The following WDFY2 variants were observed in gnomAD, a reference collection of about 807,000 sequenced individuals.
The protein encoded by WDFY2 is WD repeat and FYVE domain-containing protein 2.
WDFY2 carries 36 observed loss-of-function variants against 56.4 expected under a neutral mutation model. That is an observed-to-expected ratio of 0.64 (90% CI 0.49 to 0.84). The LOEUF (loss-of-function observed/expected upper bound fraction) is 0.84, where lower values mean the gene tolerates loss of function less well. Ranked by LOEUF, WDFY2 falls within the 40% of genes least tolerant of loss-of-function variation. The pLI, the probability that WDFY2 is intolerant of heterozygous loss-of-function variation, is 0.00. For missense variants in WDFY2, 444 were observed against 512.2 expected (o/e 0.87, Z 1.29); for synonymous variants, 176 against 183.7 (o/e 0.96, Z 0.34).
At chr13:51,620,062 A>T (rs1262662742) in intron 1 of WDFY2, among the ~76,000 whole-genome samples, 1 of 152,242 alleles carries the variant, frequency 6.6e-6, no homozygotes, top group Admixed American at 6.5e-5. Flanking sequence ...TTGCCAGTAC[A>T]GAAATACAGG....
intron 1 of WDFY2, 120 bp from the exon 2 acceptor site, chr13:51,660,476 C>A: frequency 1.2e-6 from 1 of 841,092 alleles, no homozygotes. Flanking sequence ...CTGGGACAGG[C>A]TTGAGCCACC....
In WDFY2 at chr13:51,711,401, A is replaced by T. The variant is rs1363500270; in HGVS notation, c.334+7751A>T. 2.0e-5 allele frequency among the ~76,000 whole-genome samples: 3 copies of T among 152,314 alleles called. No individual in the cohort carries two copies. In the South Asian group the frequency reaches 6.2e-4, roughly 32 times the overall value. ...TGGGCAAGGACTTCATGTCTAAAAC[A>T]CCAAAAGCAATGGCAACAAAAGCCA... On this transcript the variant is annotated intron_variant, in intron 4 of 11. Transcript: ENST00000298125.
chr13:51,737,729 A>C (rs1437183273), intron 6 of WDFY2, among the ~76,000 whole-genome samples: 1 of 152,156 alleles, frequency 6.6e-6, no homozygotes, highest in Non-Finnish European at 1.5e-5. Context: ...ATTTTAACAG[A>C]CAACACAGTG....
rs1263874115 is a variant in WDFY2, at chr13:51,763,965, T to TATG, written c.*4197_*4199dup. 6.6e-6 allele frequency: 1 copy of TATG among 152,250 alleles called. No individual in the cohort carries two copies. The highest frequency in any genetic ancestry group is 1.5e-5 in the Non-Finnish European group (1 of 68,048). The allele number at this position is 152,250 out of a possible 1,614,324, so 9.4% of individuals were successfully genotyped here. A position where few individuals can be genotyped will look rare whatever the true frequency, so the allele number is the denominator to read the frequency against. Reference sequence around the variant, plus strand: ...ATGGCTGTTCATAGAATTTTAATTCTATGTCAGTGTTCTTGTTCACTAAGA... The same window carrying TATG: ...ATGGCTGTTCATAGAATTTTAATTCTATGATGTCAGTGTTCTTGTTCACTAAGA... On this transcript the variant is annotated 3_prime_UTR_variant, in exon 12 of 12. Transcript: ENST00000298125.
At chr13:51,673,038 C>T (rs1955831091) in intron 2 of WDFY2, among the ~76,000 whole-genome samples, 1 of 152,180 alleles carries the variant, frequency 6.6e-6, no homozygotes, top group South Asian at 2.1e-4. Flanking sequence ...TTTGGTTTCA[C>T]AATCTATAAA....
At chr13:51,586,377 GAGA>G (rs1827316534) in intron 1 of WDFY2, 1 of 268,638 alleles carries the variant, frequency 3.7e-6, no homozygotes, top group African/African-American at 2.2e-5. Flanking sequence ...TCAAGAAAAG[GAGA>G]AGGGTAGTTA....
At chr13:51,619,423 A>T (rs1156572016) in intron 1 of WDFY2, among the ~76,000 whole-genome samples, 2 of 146,506 alleles carry the variant, frequency 1.4e-5, no homozygotes, top group Non-Finnish European at 3.0e-5. Flanking sequence ...ACAGAGCCAG[A>T]CACTATCTCC....
chr13:51,603,239 GA>G (rs1954320751), intron 1 of WDFY2, among the ~76,000 whole-genome samples: 1 of 152,156 alleles, frequency 6.6e-6, no homozygotes, highest in African/African-American at 2.4e-5. Context: ...ACTGCTGGAG[GA>G]ATTCGTAAGA....
chr13:51,624,993 A>C (rs1276688174), intron 1 of WDFY2, among the ~76,000 whole-genome samples: 1 of 152,236 alleles, frequency 6.6e-6, no homozygotes, highest in Non-Finnish European at 1.5e-5. Flanking sequence ...CTCTAGTAAA[A>C]TGGGGAGCCA....
chr13:51,701,498 G>A (rs1179595515), intron 3 of WDFY2, among the ~76,000 whole-genome samples: 1 of 143,208 alleles, frequency 7.0e-6, no homozygotes, highest in Non-Finnish European at 1.5e-5. Context: ...TCCAGCCTGG[G>A]TGACAGAGCA....
chr13:51,693,004 G>A (rs1193482002), intron 3 of WDFY2, among the ~76,000 whole-genome samples: 1 of 152,154 alleles, frequency 6.6e-6, no homozygotes, highest in Non-Finnish European at 1.5e-5. Flanking sequence ...AGTATTCTCT[G>A]ATGGTAGTTT....
intron 2 of WDFY2, among the ~76,000 whole-genome samples, chr13:51,661,064 A>C (rs1955603013): frequency 6.6e-6 from 1 of 152,234 alleles, no homozygotes; most frequent in Non-Finnish European, 1.5e-5. Flanking sequence ...AATTCAAGAC[A>C]TTCAGCATTG....
intron 1 of WDFY2, among the ~76,000 whole-genome samples, chr13:51,618,942 G>A (rs561925088): frequency 6.6e-6 from 1 of 152,212 alleles, no homozygotes; most frequent in Non-Finnish European, 1.5e-5. Context: ...AAGACTGCTG[G>A]AGCTCATCCA....
chr13:51,737,036 G>C (rs571602576), intron 6 of WDFY2, among the ~76,000 whole-genome samples: 1 of 152,064 alleles, frequency 6.6e-6, no homozygotes, highest in African/African-American at 2.4e-5. Flanking sequence ...CCCATTTCAC[G>C]TGTTATATAG....
intron 1 of WDFY2, among the ~76,000 whole-genome samples, chr13:51,623,238 G>A (rs1050775951): frequency 2.0e-5 from 3 of 151,938 alleles, no homozygotes; most frequent in Non-Finnish European, 4.4e-5. Context: ...AAAAAATGAA[G>A]GTAGGTGCTA....
intron 1 of WDFY2, chr13:51,587,251 C>T (rs905566457): frequency 1.3e-5 from 2 of 152,178 alleles, no homozygotes; most frequent in Non-Finnish European, 2.9e-5. Context: ...CCATTTTAAA[C>T]GGTGTTATAC....
rs1281797470 is a variant in WDFY2 at position 51,762,194 on chromosome 13, G to C, written c.*2425G>C. The stretch of plus-strand genomic sequence containing the variant: ...GGCAGAGAGAGGAACACAGTATTAG[G>C]GCAGCAAAGGCCCAGGCGCCCAGCA... On this transcript the variant is annotated 3_prime_UTR_variant, in exon 12 of 12. Transcript: ENST00000298125. 2.6e-5 allele frequency: 4 copies of C among 152,234 alleles called. No individual in the cohort carries two copies. In the East Asian group the frequency reaches 7.7e-4, roughly 29 times the overall value. The allele number at this position is 152,234 out of a possible 1,614,324, so 9.4% of individuals were successfully genotyped here. A position where few individuals can be genotyped will look rare whatever the true frequency, so the allele number is the denominator to read the frequency against.
At chr13:51,646,410 C>T (rs1435524875) in intron 1 of WDFY2, among the ~76,000 whole-genome samples, 4 of 152,208 alleles carry the variant, frequency 2.6e-5, no homozygotes, top group East Asian at 1.9e-4. Context: ...TGCCTGAGCC[C>T]GGGCTCTGTA....
intron 1 of WDFY2, chr13:51,587,212 T>C (rs1215048300): frequency 1.3e-5 from 2 of 152,266 alleles, no homozygotes; most frequent in East Asian, 3.8e-4. Context: ...ATTGCCTTTA[T>C]GTGTGCCTTT....
Sources: allele counts gnomAD v4.1 joint callset (sites outside exome capture counted in the v4.1 genomes callset), GRCh38; gene constraint gnomAD v4.1.1; transcripts MANE v1.5; gene names NCBI Gene and HGNC (gene_info 2026-07-23, HGNC 2026-07-21).